The following NCKAP5 variants were observed in gnomAD, a reference collection of about 807,000 sequenced individuals.
NCKAP5 encodes the protein nck-associated protein 5.
In NCKAP5, 92 loss-of-function variants were observed where a neutral mutation model predicts 167.0. The observed-to-expected ratio is 0.55, with a 90% CI of 0.47 to 0.66. NCKAP5 has a LOEUF of 0.66. NCKAP5 is among the 30% of genes least tolerant of loss of function. The pLI, the probability that NCKAP5 is intolerant of heterozygous loss-of-function variation, is 0.00. For missense variants in NCKAP5, 2,378 were observed against 2,315.0 expected, an observed-to-expected ratio of 1.03 and a Z score of -0.56; for synonymous variants, 891 against 877.4, an observed-to-expected ratio of 1.02 and a Z score of -0.27.
intron 6 of NCKAP5, among the ~76,000 whole-genome samples, chr2:133,070,093 C>T (rs369681043): frequency 2.6e-5 from 4 of 152,210 alleles, no homozygotes; most frequent in African/African-American, 9.6e-5. Flanking sequence ...AACTCTGGAA[C>T]TGATATTCAT....
chr2:133,588,986 G>C, the NCKAP5 span, among the ~76,000 whole-genome samples: 1 of 152,162 alleles, frequency 6.6e-6, no homozygotes, highest in Non-Finnish European at 1.5e-5. Flanking sequence ...AGTGGTTGTG[G>C]AGGTCACATG....
intron 11 of NCKAP5, among the ~76,000 whole-genome samples, chr2:132,801,535 G>C (rs188022437): frequency 1.0e-3 from 156 of 152,336 alleles, no homozygotes; most frequent in African/African-American, 3.6e-3. Flanking sequence ...TCATAGGAAA[G>C]AGACCTGCTT....
chr2:133,101,117 A>G (rs1201626457), intron 6 of NCKAP5, among the ~76,000 whole-genome samples: 1 of 150,684 alleles, frequency 6.6e-6, no homozygotes, highest in Admixed American at 6.6e-5. Flanking sequence ...AGCTTTCTAC[A>G]TATGGCTAGC....
At chr2:133,124,226 T>A (rs1284923921) in intron 6 of NCKAP5, among the ~76,000 whole-genome samples, 1 of 152,150 alleles carries the variant, frequency 6.6e-6, no homozygotes, top group Non-Finnish European at 1.5e-5. Context: ...TGTGGGTGAT[T>A]TTTAACTATC....
intron 15 of NCKAP5, among the ~76,000 whole-genome samples, 173 bp from the exon 16 acceptor site, chr2:132,774,067 T>C (rs971429111): frequency 2.6e-5 from 4 of 152,226 alleles, no homozygotes; most frequent in African/African-American, 7.2e-5. Flanking sequence ...ATTTTTTTCG[T>C]TCTACTTTTC....
At chr2:133,529,307 C>T (rs1233881875) in intron 2 of NCKAP5, among the ~76,000 whole-genome samples, 4 of 152,088 alleles carry the variant, frequency 2.6e-5, no homozygotes, top group Admixed American at 2.6e-4. Flanking sequence ...TATTTGTTTA[C>T]CTATATACAT....
At chr2:133,067,524 G>T (rs1248931359) in intron 6 of NCKAP5, among the ~76,000 whole-genome samples, 1 of 152,210 alleles carries the variant, frequency 6.6e-6, no homozygotes, top group African/African-American at 2.4e-5. Flanking sequence ...CTCTGGCTTG[G>T]TTCAGGAGAG....
chr2:133,072,349 C>G (rs1333661686), intron 6 of NCKAP5, among the ~76,000 whole-genome samples: 1 of 151,978 alleles, frequency 6.6e-6, no homozygotes, highest in African/African-American at 2.4e-5. Context: ...TCCCTCTCTG[C>G]CCTCCCTTCA....
intron 10 of NCKAP5, among the ~76,000 whole-genome samples, chr2:132,861,661 G>A (rs571039297): frequency 6.6e-6 from 1 of 152,108 alleles, no homozygotes; most frequent in South Asian, 2.1e-4. Context: ...TTGGCTCTTT[G>A]ATTGAAGTAC....
chr2:132,832,778 C>G (rs1025687979), intron 11 of NCKAP5, among the ~76,000 whole-genome samples: 1 of 152,090 alleles, frequency 6.6e-6, no homozygotes, highest in Non-Finnish European at 1.5e-5. Context: ...TTGTTGGACA[C>G]TTAGGTTGAT....
In NCKAP5 at chr2:132,785,102, T is replaced by C; in HGVS notation, c.1709A>G (p.His570Arg). ...QRERGPQGQG[H>R]GRMALNLQLS... ...CTGGAGGTTGAGAGCCATGCGGCCA[T>C]GGCCTTGGCCCTGTGGGCCCCTCTC... Residue 570 changes from histidine to arginine, a missense_variant, in exon 14 of 20, where the codon CAT becomes CGT. By Grantham distance (29) the His-to-Arg change is conservative (BLOSUM62 0). Transcript: ENST00000409261. The C allele has an allele frequency of 6.2e-7, 1 of 1,614,074 alleles. No individual in the cohort carries two copies. The highest frequency in any genetic ancestry group is 2.2e-5 in the East Asian group (1 of 44,886).
chr2:132,900,664 T>C (rs910192899), intron 8 of NCKAP5, among the ~76,000 whole-genome samples: 3 of 152,148 alleles, frequency 2.0e-5, no homozygotes, highest in Non-Finnish European at 4.4e-5. Context: ...TGAAAACTAC[T>C]GTTATTAACA....
chr2:133,091,849 T>C (rs1394264475), intron 6 of NCKAP5, among the ~76,000 whole-genome samples: 1 of 152,116 alleles, frequency 6.6e-6, no homozygotes, highest in African/African-American at 2.4e-5. Context: ...ATCCCACCAC[T>C]GCACTCCAGC....
intron 3 of NCKAP5, among the ~76,000 whole-genome samples, chr2:133,324,593 G>A (rs1682297918): frequency 6.6e-6 from 1 of 152,186 alleles, no homozygotes; most frequent in East Asian, 1.9e-4. Context: ...TTTTCACTTA[G>A]ATGTCACAAA....
chr2:132,794,261 T>TAGAGAG (rs1558788112), intron 12 of NCKAP5, among the ~76,000 whole-genome samples: 14 of 23,498 alleles, frequency 6.0e-4, no homozygotes, highest in East Asian at 2.8e-3. Context: ...TATATATATA[T>TAGAGAG]ATAGAGAGAG....
chr2:132,726,846 AG>A (rs905016835), intron 18 of NCKAP5, among the ~76,000 whole-genome samples: 18 of 152,226 alleles, frequency 1.2e-4, no homozygotes, highest in African/African-American at 4.3e-4. Flanking sequence ...TGGAGATACC[AG>A]TAGTCTAGCA....
At chr2:133,069,197 A>G (rs1317791959) in intron 6 of NCKAP5, among the ~76,000 whole-genome samples, 4 of 152,218 alleles carry the variant, frequency 2.6e-5, no homozygotes, top group South Asian at 2.1e-4. Flanking sequence ...ATAACGTACA[A>G]ATGTAAAGCA....
At chr2:132,800,604 C>A (rs1345610525) in intron 11 of NCKAP5, among the ~76,000 whole-genome samples, 1 of 152,098 alleles carries the variant, frequency 6.6e-6, no homozygotes, top group Non-Finnish European at 1.5e-5. Context: ...TGGAATGTGC[C>A]CCTCTCCTGT....
At chr2:133,018,601 T>C (rs2078423354) in intron 6 of NCKAP5, among the ~76,000 whole-genome samples, 2 of 152,200 alleles carry the variant, frequency 1.3e-5, no homozygotes, top group Admixed American at 6.5e-5. Flanking sequence ...TGACATGAGT[T>C]AAAAGGACTT....
Sources: allele counts gnomAD v4.1 joint callset (sites outside exome capture counted in the v4.1 genomes callset), GRCh38; gene constraint gnomAD v4.1.1; transcripts MANE v1.5; gene names NCBI Gene and HGNC (gene_info 2026-07-23, HGNC 2026-07-21).